The following TOP1 variants were observed in gnomAD, a reference collection of about 807,000 sequenced individuals.
TOP1 encodes DNA topoisomerase 1.
In TOP1, 10 loss-of-function variants were observed where a neutral mutation model predicts 111.1. The ratio of observed to expected loss-of-function variants is 0.09; its 90% CI spans 0.06 to 0.15. The LOEUF (loss-of-function observed/expected upper bound fraction) is 0.15, where lower values mean the gene tolerates loss of function less well. Ranked by LOEUF, TOP1 falls within the 10% of genes least tolerant of loss-of-function variation. TOP1 has a pLI of 1.00. For missense variants in TOP1, 474 were observed against 926.7 expected (o/e 0.51, Z 6.34); for synonymous variants, 271 against 302.9 (o/e 0.89, Z 1.10).
chr20:41,029,037 C>T lies in TOP1; in HGVS notation c.-31C>T, dbSNP rs758029352. ...TCTGCGTCTCCCCCACGCCGCCTCG[C>T]CTGCCGCCGCGCTCGTCCCTCCGGG... On this transcript the variant is annotated 5_prime_UTR_variant, in exon 1 of 21. Coordinates refer to ENST00000361337, the MANE Select transcript of TOP1 (RefSeq NM_003286.4). This position sits in a 1 kb window ranked among gnomAD's most constrained non-coding sequence, Gnocchi z 6.1. 2.6e-6 allele frequency: 4 copies of T among 1,542,622 alleles called. No individual in the cohort carries two copies. Among genetic ancestry groups the T allele is most frequent in the South Asian group, 2.4e-5 (2 of 84,424 alleles).
chr20:41,100,345 A>G lies in TOP1; in HGVS notation c.1163+102A>G, dbSNP rs1044427209. ...GTTACACAGGACTGTTTGGGAAGGG[A>G]GATACTTAAGAGCAGGACAGTATTT... On this transcript the variant is annotated intron_variant, in intron 12 of 20. Coordinates refer to ENST00000361337, the MANE Select transcript of TOP1 (RefSeq NM_003286.4). This position sits in a 1 kb window ranked among gnomAD's most constrained non-coding sequence, Gnocchi z 4.4. 87 of 954,694 alleles carry G rather than the reference A, an allele frequency of 9.1e-5. 1 individual carries two copies. Among genetic ancestry groups the G allele is most frequent in the Non-Finnish European group, 1.2e-4 (78 of 642,890 alleles). The allele number at this position is 954,694 out of a possible 1,614,324, so 59.1% of individuals were successfully genotyped here.
Position 41,121,460 on chromosome 20 carries a change from C to G in TOP1, c.1951-236C>G, listed in dbSNP as rs1182306317. Among the ~76,000 whole-genome samples, 1 of 152,216 alleles carries G rather than the reference C, an allele frequency of 6.6e-6. No individual in the cohort carries two copies. Among genetic ancestry groups the G allele is most frequent in the African/African-American group, 2.4e-5 (1 of 41,464 alleles). ...CCAGCGGGTTCCTTTCCCTGAGCCC[C>G]TAGGTTACTGCCCTGTAAAACCCTT... is the stretch of plus-strand genomic sequence containing the variant. On this transcript the variant is annotated intron_variant, in intron 18 of 20. Coordinates refer to ENST00000361337, the MANE Select transcript of TOP1 (RefSeq NM_003286.4). The surrounding 1 kb of genome is among the most constrained non-coding windows in gnomAD (Gnocchi z 4.2).
intron 2 of TOP1, among the ~76,000 whole-genome samples, chr20:41,049,227 G>A (rs1056821566): frequency 2.6e-5 from 4 of 152,196 alleles, no homozygotes; most frequent in Admixed American, 6.5e-5. Context: ...TTCTTGAAGT[G>A]TTTTTAAGTC....
Position 41,100,076 on chromosome 20 carries a change from A to C in TOP1, c.996A>C (p.Glu332Asp). The C allele has an allele frequency of 6.2e-7, 1 of 1,609,862 alleles. No individual in the cohort carries two copies. The highest frequency in any genetic ancestry group is 1.7e-5 in the Admixed American group (1 of 59,380). Residue 332 changes from glutamate to aspartate, a missense_variant, in exon 12 of 21, where the codon GAA becomes GAC. By Grantham distance (45) the Glu-to-Asp change is conservative. Coordinates refer to ENST00000361337, the MANE Select transcript of TOP1 (RefSeq NM_003286.4). The surrounding 1 kb of genome is among the most constrained non-coding windows in gnomAD (Gnocchi z 4.4). Reference sequence around the variant, plus strand: ...TCCAGAAAATCAAAGAGGAGAATGAAAAATTACTGAAAGAATATGGATTCT... The same window carrying C: ...TCCAGAAAATCAAAGAGGAGAATGACAAATTACTGAAAGAATATGGATTCT... ...EEKLKIKEEN[E>D]KLLKEYGFCI...
chr20:41,076,507 CT>C (rs2145935243), intron 4 of TOP1, among the ~76,000 whole-genome samples: 1 of 152,264 alleles, frequency 6.6e-6, no homozygotes, highest in South Asian at 2.1e-4. Context: ...ATATCATTAC[CT>C]TTTTTACTTT....
rs1410095125 is a variant in TOP1, at chr20:41,094,808, T to G, written c.730+2221T>G. 6.6e-6 allele frequency among the ~76,000 whole-genome samples: 1 copy of G among 152,182 alleles called. No individual in the cohort carries two copies. Among genetic ancestry groups the G allele is most frequent in the African/African-American group, 2.4e-5 (1 of 41,450 alleles). ...CTAGCTGAAGCAGTGAATTACTGCC[T>G]TCTCTGAGGACCTTCAGTTTACAGC... On this transcript the variant is annotated intron_variant, in intron 9 of 20. Coordinates refer to ENST00000361337, the MANE Select transcript of TOP1 (RefSeq NM_003286.4). This position sits in a 1 kb window ranked among gnomAD's most constrained non-coding sequence, Gnocchi z 4.4.
Position 41,029,362 on chromosome 20 carries a change from C to CCG in TOP1, c.34-61_34-60dup. ...GGGCGCAGGGTGAGCCAGACCCCGG[C>CCG]CGCGCGCGCTCGCCGCCGGAGGGGT... On this transcript the variant is annotated intron_variant, in intron 1 of 20. Transcript: ENST00000361337. This position sits in a 1 kb window ranked among gnomAD's most constrained non-coding sequence, Gnocchi z 6.1. 4 of 1,392,122 alleles carry CCG rather than the reference C, an allele frequency of 2.9e-6. No homozygotes were observed. Among genetic ancestry groups the CCG allele is most frequent in the Non-Finnish European group, 2.8e-6 (3 of 1,055,980 alleles). The allele number at this position is 1,392,122 out of a possible 1,614,324, so 86.2% of individuals were successfully genotyped here. A position where few individuals can be genotyped will look rare whatever the true frequency, so the allele number is the denominator to read the frequency against.
In TOP1 at chr20:41,112,739, C is replaced by T. The variant is rs2034262810; in HGVS notation, c.1309-43C>T. The T allele has an allele frequency of 6.2e-7, 1 of 1,608,308 alleles. No homozygotes were observed. The highest frequency in any genetic ancestry group is 8.5e-7 in the Non-Finnish European group (1 of 1,176,610). ...CTATATTCAAAGTCTGTCTTTACTACACTGTCCCAAAGTAATCTACATTTG... is the reference window on the plus strand; with the variant it reads ...CTATATTCAAAGTCTGTCTTTACTATACTGTCCCAAAGTAATCTACATTTG... On this transcript the variant is annotated intron_variant, in intron 13 of 20. Transcript: ENST00000361337. The surrounding 1 kb of genome is among the most constrained non-coding windows in gnomAD (Gnocchi z 5.8).
intron 2 of TOP1, among the ~76,000 whole-genome samples, chr20:41,044,847 G>A (rs1399725902): frequency 6.6e-6 from 1 of 152,226 alleles, no homozygotes; most frequent in East Asian, 1.9e-4. Context: ...CTGGAGTGCA[G>A]TGGCGCGATC....
intron 3 of TOP1, among the ~76,000 whole-genome samples, chr20:41,068,336 T>C (rs1600570299): frequency 6.6e-6 from 1 of 152,368 alleles, no homozygotes; most frequent in South Asian, 2.1e-4. Context: ...AGTTAGAAGA[T>C]AATTTCATCA....
At chr20:41,033,465 A>T (rs2033146633) in intron 2 of TOP1, among the ~76,000 whole-genome samples, 1 of 152,118 alleles carries the variant, frequency 6.6e-6, no homozygotes, top group Admixed American at 6.5e-5. Flanking sequence ...TTATTAAATA[A>T]CATGTCTTAA....
chr20:41,084,851 A>T (rs564735005), intron 8 of TOP1, among the ~76,000 whole-genome samples: 2 of 152,222 alleles, frequency 1.3e-5, no homozygotes, highest in Admixed American at 6.5e-5. Context: ...GAGAGTACAG[A>T]TGCATTTAAA....
chr20:41,116,239 T>C lies in TOP1; in HGVS notation c.1708-39T>C. On this transcript the variant is annotated intron_variant, in intron 16 of 20. Transcript: ENST00000361337. This position sits in a 1 kb window ranked among gnomAD's most constrained non-coding sequence, Gnocchi z 5.6. ...TAGGGCTGCCAGAAGGAGCAGGTAG[T>C]ATAGCTTTGACCTAAATCTGTTGCT... 2 of 1,394,908 alleles carry C rather than the reference T, an allele frequency of 1.4e-6. No individual in the cohort carries two copies. The highest frequency in any genetic ancestry group is 2.3e-5 in the South Asian group (2 of 86,096). 86.4% of individuals were successfully genotyped at this position (1,394,908 alleles called of 1,614,324 possible). A position where few individuals can be genotyped will look rare whatever the true frequency, so the allele number is the denominator to read the frequency against.
At chr20:41,103,667 A>G (rs2034099160) in intron 13 of TOP1, among the ~76,000 whole-genome samples, 1 of 152,056 alleles carries the variant, frequency 6.6e-6, no homozygotes, top group African/African-American at 2.4e-5. Flanking sequence ...ATTTTTTTAA[A>G]TTAGTACCTG....
At chr20:41,040,408 C>G (rs2033247091) in intron 2 of TOP1, among the ~76,000 whole-genome samples, 1 of 152,168 alleles carries the variant, frequency 6.6e-6, no homozygotes, top group African/African-American at 2.4e-5. Context: ...GAAACAGTAG[C>G]TTCTTAGGAA....
At chr20:41,051,644 C>T (rs951836321) in intron 2 of TOP1, among the ~76,000 whole-genome samples, 2 of 152,094 alleles carry the variant, frequency 1.3e-5, no homozygotes, top group African/African-American at 4.8e-5. Context: ...CCTGTAAGTT[C>T]GTTAGGCTTC....
chr20:41,116,138 T>C lies in TOP1; in HGVS notation c.1708-140T>C. On this transcript the variant is annotated intron_variant, in intron 16 of 20. Coordinates refer to ENST00000361337, the MANE Select transcript of TOP1 (RefSeq NM_003286.4). This position sits in a 1 kb window ranked among gnomAD's most constrained non-coding sequence, Gnocchi z 5.6. ...TGTAACCCTGTATTCTGGAATTCTT[T>C]TCCTCTTTCCCTAACTTCCCACTTG... 2 of 603,652 alleles carry C rather than the reference T, an allele frequency of 3.3e-6. No individual in the cohort carries two copies. The highest frequency in any genetic ancestry group is 2.8e-5 in the Admixed American group (1 of 35,540). The allele number at this position is 603,652 out of a possible 1,614,324, so 37.4% of individuals were successfully genotyped here. A position where few individuals can be genotyped will look rare whatever the true frequency, so the allele number is the denominator to read the frequency against.
chr20:41,073,186 T>C (rs2033686883), intron 3 of TOP1: 1 of 985,262 alleles, frequency 1.0e-6, no homozygotes. Context: ...TGTACACTTG[T>C]AGGTACCTAT....
Position 41,076,190 on chromosome 20 carries a change from A to G in TOP1, c.175A>G (p.Lys59Glu). ...TTACAGTGAACATAAAGATTCTGAAAAGAAACACAAAGAGAAGGAGAAGAC... is the reference window on the plus strand; with the variant it reads ...TTACAGTGAACATAAAGATTCTGAAGAGAAACACAAAGAGAAGGAGAAGAC... Reference protein sequence around the residue: ...HSNSEHKDSEKKHKEKEKTKH... With the variant: ...HSNSEHKDSEEKHKEKEKTKH... Residue 59 changes from lysine to glutamate, a missense_variant, in exon 4 of 21, where the codon AAG becomes GAG. Physicochemically the swap from Lys to Glu is moderately conservative, Grantham distance 56 (BLOSUM62 1). Transcript: ENST00000361337. 1 of 1,609,642 alleles carries G rather than the reference A, an allele frequency of 6.2e-7. No homozygotes were observed. The highest frequency in any genetic ancestry group is 8.5e-7 in the Non-Finnish European group (1 of 1,176,762).
Sources: allele counts gnomAD v4.1 joint callset (sites outside exome capture counted in the v4.1 genomes callset), GRCh38; gene constraint gnomAD v4.1.1; non-coding constraint Gnocchi (gnomAD v3.1); transcripts MANE v1.5; gene names NCBI Gene and HGNC (gene_info 2026-07-23, HGNC 2026-07-21).